ARHGEF28: variants seen among roughly 807,000 people sequenced by gnomAD.
ARHGEF28 encodes 190 kDa guanine nucleotide exchange factor.
Under a neutral mutation model 206.6 loss-of-function variants are expected in ARHGEF28, and 152 were observed. The observed-to-expected ratio is 0.74, with a 90% CI of 0.64 to 0.84. ARHGEF28 has a LOEUF of 0.84. Ranked by LOEUF, ARHGEF28 falls within the 40% of genes least tolerant of loss-of-function variation. The pLI, the probability that ARHGEF28 is intolerant of heterozygous loss-of-function variation, is 0.00. For synonymous variants in ARHGEF28, 763 were observed against 776.4 expected (o/e 0.98, Z 0.29); for missense variants, 2,028 against 2,073.2 (o/e 0.98, Z 0.42).
At chr5:73,710,858 C>G (rs927251166) in intron 2 of ARHGEF28, among the ~76,000 whole-genome samples, 1 of 152,082 alleles carries the variant, frequency 6.6e-6, no homozygotes, top group Non-Finnish European at 1.5e-5. Context: ...GTGTACCACC[C>G]ATGCCTGGCT....
intron 2 of ARHGEF28, among the ~76,000 whole-genome samples, chr5:73,693,968 A>G (rs1200897340): frequency 6.6e-6 from 1 of 152,232 alleles, no homozygotes; most frequent in Non-Finnish European, 1.5e-5. Flanking sequence ...CAGCCTGGCC[A>G]GCAGCCACGA....
intron 31 of ARHGEF28, 55 bp from the exon 32 acceptor site, chr5:73,904,167 G>A: frequency 6.3e-7 from 1 of 1,583,336 alleles, no homozygotes; most frequent in East Asian, 2.2e-5. Context: ...ACACTGCAGG[G>A]CAGCTTTTCA....
At chr5:73,746,753 A>G (rs1205233071) in intron 2 of ARHGEF28, among the ~76,000 whole-genome samples, 1 of 152,090 alleles carries the variant, frequency 6.6e-6, no homozygotes, top group Admixed American at 6.5e-5. Flanking sequence ...AATGCCACCT[A>G]TTATAACATA....
At chr5:73,756,497 C>T (rs938236329) in intron 4 of ARHGEF28, among the ~76,000 whole-genome samples, 2 of 152,168 alleles carry the variant, frequency 1.3e-5, no homozygotes, top group African/African-American at 4.8e-5. Flanking sequence ...CAATGTCAAG[C>T]GACAGGGTTA....
At chr5:73,662,878 C>T (rs1223818459) in intron 1 of ARHGEF28, among the ~76,000 whole-genome samples, 1 of 152,134 alleles carries the variant, frequency 6.6e-6, no homozygotes, top group Non-Finnish European at 1.5e-5. Flanking sequence ...AGGGAGCTAA[C>T]CTTTTCTCTT....
At chr5:73,701,161 CACTAA>C (rs1748573388) in intron 2 of ARHGEF28, among the ~76,000 whole-genome samples, 1 of 152,170 alleles carries the variant, frequency 6.6e-6, no homozygotes, top group Non-Finnish European at 1.5e-5. Flanking sequence ...TTGATAAATA[CACTAA>C]ATTGTATGTT....
At chr5:73,870,990 A>G (rs1323718494) in intron 21 of ARHGEF28, among the ~76,000 whole-genome samples, 2 of 152,176 alleles carry the variant, frequency 1.3e-5, no homozygotes, top group African/African-American at 2.4e-5. Context: ...GGTGGTGGTT[A>G]TGGACATCAG....
At chr5:73,857,378 G>A (rs1160553221) in intron 14 of ARHGEF28, among the ~76,000 whole-genome samples, 1 of 152,134 alleles carries the variant, frequency 6.6e-6, no homozygotes, top group Admixed American at 6.6e-5. Flanking sequence ...ACACAGAAAA[G>A]TTGAGAGAAT....
chr5:73,872,894 CTTT>C, intron 21 of ARHGEF28, 102 bp from the exon 22 acceptor site: 2 of 1,263,382 alleles, frequency 1.6e-6, no homozygotes, highest in Non-Finnish European at 2.1e-6. Flanking sequence ...CTAAACATTT[CTTT>C]TTTATTTGCG....
At chr5:73,694,955 A>T (rs1047738846) in intron 2 of ARHGEF28, among the ~76,000 whole-genome samples, 1 of 152,238 alleles carries the variant, frequency 6.6e-6, no homozygotes, top group Non-Finnish European at 1.5e-5. Flanking sequence ...AGAATTTCAG[A>T]TGGTAGTATG....
chr5:73,656,666 A>G (rs1745222079), intron 1 of ARHGEF28, among the ~76,000 whole-genome samples: 1 of 152,206 alleles, frequency 6.6e-6, no homozygotes, highest in Non-Finnish European at 1.5e-5. Flanking sequence ...TATTGTCAGA[A>G]TGATCCTGTT....
In ARHGEF28 at chr5:73,776,751, A is replaced by G. The variant is rs1394597004; in HGVS notation, c.840+55A>G. The G allele has an allele frequency of 6.8e-6, 10 of 1,475,318 alleles. No individual in the cohort carries two copies. The Admixed American group carries it at 8.0e-5, about 12-fold the overall frequency. The allele number at this position is 1,475,318 out of a possible 1,614,324, so 91.4% of individuals were successfully genotyped here. A position where few individuals can be genotyped will look rare whatever the true frequency, so the allele number is the denominator to read the frequency against. ...AATGCATGCTTCAGAGAATGCAGGC[A>G]TCAATTTCTTATTATGAGAACAGTG... On this transcript the variant is annotated intron_variant, in intron 6 of 35. Coordinates refer to ENST00000513042, the MANE Select transcript of ARHGEF28 (RefSeq NM_001177693.2).
chr5:73,852,310 G>A (rs1403709493), intron 13 of ARHGEF28, among the ~76,000 whole-genome samples: 1 of 152,186 alleles, frequency 6.6e-6, no homozygotes, highest in African/African-American at 2.4e-5. Context: ...GTGTTATGAA[G>A]AATAGGGATG....
chr5:73,921,967 A>C (rs1003845312), intron 35 of ARHGEF28, among the ~76,000 whole-genome samples: 1 of 152,220 alleles, frequency 6.6e-6, no homozygotes, highest in African/African-American at 2.4e-5. Context: ...AGGGCATTGC[A>C]CTCTAAGAGT....
intron 4 of ARHGEF28, among the ~76,000 whole-genome samples, chr5:73,756,258 A>C (rs1209254882): frequency 6.6e-6 from 1 of 152,256 alleles, no homozygotes; most frequent in African/African-American, 2.4e-5. Context: ...GCATGTGAAT[A>C]AATTTTCATA....
intron 30 of ARHGEF28, chr5:73,900,409 A>G (rs1433274690): frequency 6.6e-6 from 1 of 152,228 alleles, no homozygotes; most frequent in African/African-American, 2.4e-5. Context: ...TTAAGTTTTA[A>G]CTGAGTTCAC....
At chr5:73,911,747 T>A (rs1390128414) in intron 35 of ARHGEF28, 172 bp downstream of exon 35, 7 of 704,278 alleles carry the variant, frequency 9.9e-6, no homozygotes, top group Non-Finnish European at 1.6e-5. Context: ...GGGGACAGCC[T>A]TTGCTTGTAA....
intron 22 of ARHGEF28, 86 bp downstream of exon 22, chr5:73,873,332 A>T (rs1760231322): frequency 2.1e-6 from 3 of 1,449,004 alleles, no homozygotes; most frequent in Non-Finnish European, 2.8e-6. Context: ...GAGTAAAAAA[A>T]ATGATATTTT....
At chr5:73,661,523 A>G (rs1046143649) in intron 1 of ARHGEF28, among the ~76,000 whole-genome samples, 4 of 152,182 alleles carry the variant, frequency 2.6e-5, no homozygotes, top group African/African-American at 4.8e-5. Flanking sequence ...GCTTTCAGCT[A>G]TCTTGGCTTT....
Sources: gnomAD v4.1 joint callset for allele counts (sites outside exome capture counted in the v4.1 genomes callset) on GRCh38, gnomAD v4.1.1 for gene constraint, MANE v1.5 for transcripts, NCBI Gene and HGNC (gene_info 2026-07-23, HGNC 2026-07-21) for gene names.